Variants in LRRC20 observed in about 807,000 individuals in gnomAD.
LRRC20 encodes the protein leucine-rich repeat-containing protein 20.
In LRRC20, 11 loss-of-function variants were observed where a neutral mutation model predicts 14.4. That is an observed-to-expected ratio of 0.77 (90% confidence interval 0.48 to 1.27). The LOEUF (loss-of-function observed/expected upper bound fraction) is 1.27. LRRC20 is among the 50% of genes most tolerant of loss of function. LRRC20 has a pLI of 0.00. For synonymous variants in LRRC20, 121 were observed against 107.3 expected (o/e 1.13, Z -0.79); for missense variants, 219 against 251.2 (o/e 0.87, Z 0.87).
At chr10:70,334,450 AT>A (rs1842646950) in intron 3 of LRRC20, among the ~76,000 whole-genome samples, 2 of 152,156 alleles carry the variant, frequency 1.3e-5, no homozygotes. Context: ...TGGAAATGTA[AT>A]GTGCCCAGGG....
chr10:70,382,245 G>A (rs1844733293), intron 1 of LRRC20, among the ~76,000 whole-genome samples: 2 of 152,212 alleles, frequency 1.3e-5, no homozygotes, highest in African/African-American at 2.4e-5. Context: ...GCCTGGGAGC[G>A]GTTCTCCGAG....
chr10:70,364,487 C>CT (rs1432012886), intron 2 of LRRC20, among the ~76,000 whole-genome samples: 1 of 152,206 alleles, frequency 6.6e-6, no homozygotes, highest in African/African-American at 2.4e-5. Flanking sequence ...CAGTGGGTAT[C>CT]TATTAAGTGT....
At chr10:70,339,681 G>A (rs1028104701) in intron 3 of LRRC20, among the ~76,000 whole-genome samples, 2 of 152,194 alleles carry the variant, frequency 1.3e-5, no homozygotes, top group African/African-American at 4.8e-5. Flanking sequence ...CTGGAGAAGA[G>A]GGCAGGCACT....
chr10:70,318,130 C>T (rs1185830273), intron 4 of LRRC20, among the ~76,000 whole-genome samples: 1 of 152,184 alleles, frequency 6.6e-6, no homozygotes, highest in African/African-American at 2.4e-5. Context: ...TTCCGGAATG[C>T]CCATGCTGCC....
intron 4 of LRRC20, among the ~76,000 whole-genome samples, chr10:70,308,900 G>A (rs1402663584): frequency 6.6e-6 from 1 of 152,224 alleles, no homozygotes; most frequent in Non-Finnish European, 1.5e-5. Flanking sequence ...GCTGCCAGCA[G>A]CCTGGCCTCG....
At chr10:70,374,409 G>A in intron 2 of LRRC20, among the ~76,000 whole-genome samples, 1 of 150,674 alleles carries the variant, frequency 6.6e-6, no homozygotes, top group African/African-American at 2.4e-5. Context: ...GAGGTGCAGT[G>A]GCGAGATCTT....
At chr10:70,376,711 G>T in intron 1 of LRRC20, 115 bp from the exon 2 acceptor site, 1 of 617,918 alleles carries the variant, frequency 1.6e-6, no homozygotes. Flanking sequence ...CCTGCAGGGA[G>T]GGCCCCAGGC....
rs576233288 is a variant in LRRC20 at position 70,347,410 on chromosome 10, C to A, written c.83-6708G>T. Among the ~76,000 whole-genome samples, 29 of 152,266 alleles carry A rather than the reference C, an allele frequency of 1.9e-4. No individual in the cohort carries two copies. In the South Asian group the frequency reaches 6.0e-3, roughly 32 times the overall value. On this transcript the variant is annotated intron_variant, in intron 2 of 4. Coordinates refer to ENST00000446961, the MANE Select transcript of LRRC20 (RefSeq NM_001278212.2). ...TCCAAGGGTACTCAAAGCAGCCTGT[C>A]TTTCCGGAGTAGATCAGCCCAGAAA...
intron 2 of LRRC20, among the ~76,000 whole-genome samples, chr10:70,345,939 G>C (rs1843058342): frequency 6.6e-6 from 1 of 151,952 alleles, no homozygotes; most frequent in South Asian, 2.1e-4. Context: ...CAACCAACCT[G>C]GGCAACACAG....
chr10:70,352,791 C>A (rs1273605240), intron 2 of LRRC20, among the ~76,000 whole-genome samples: 1 of 152,088 alleles, frequency 6.6e-6, no homozygotes, highest in East Asian at 1.9e-4. Context: ...CCATCTTAAC[C>A]ATTTTTAAAT....
chr10:70,307,019 G>C (rs1036384403), intron 4 of LRRC20, among the ~76,000 whole-genome samples: 78 of 152,306 alleles, frequency 5.1e-4, no homozygotes, highest in Admixed American at 5.2e-4. Flanking sequence ...CATGGCTCCA[G>C]CACTTTTTGG....
chr10:70,368,798 A>G (rs2137141740), intron 2 of LRRC20, among the ~76,000 whole-genome samples: 1 of 151,466 alleles, frequency 6.6e-6, no homozygotes, highest in East Asian at 2.0e-4. Flanking sequence ...AAGTTTTTGT[A>G]TTTTAGTAGA....
intron 2 of LRRC20, among the ~76,000 whole-genome samples, chr10:70,369,990 T>C (rs1014789263): frequency 3.3e-5 from 5 of 151,968 alleles, no homozygotes; most frequent in Non-Finnish European, 5.9e-5. Flanking sequence ...GGCAGGAGAA[T>C]CACTTGAACC....
At chr10:70,307,276 C>T (rs1841460263) in intron 4 of LRRC20, among the ~76,000 whole-genome samples, 1 of 152,260 alleles carries the variant, frequency 6.6e-6, no homozygotes, top group Non-Finnish European at 1.5e-5. Flanking sequence ...TACCTCTCTA[C>T]TCTGCCAGCA....
At chr10:70,371,930 A>G (rs1411485545) in intron 2 of LRRC20, among the ~76,000 whole-genome samples, 1 of 152,150 alleles carries the variant, frequency 6.6e-6, no homozygotes, top group East Asian at 1.9e-4. Flanking sequence ...CCCCAGGAGC[A>G]CTGGGGGAGC....
chr10:70,342,447 C>T (rs1392908425), intron 2 of LRRC20, among the ~76,000 whole-genome samples: 3 of 151,850 alleles, frequency 2.0e-5, no homozygotes, highest in Admixed American at 6.6e-5. Flanking sequence ...GATATATATA[C>T]ATATATAATT....
intron 2 of LRRC20, among the ~76,000 whole-genome samples, chr10:70,374,566 A>T (rs1589131998): frequency 6.6e-6 from 1 of 150,754 alleles, no homozygotes; most frequent in Non-Finnish European, 1.5e-5. Flanking sequence ...CTGGTCTTGA[A>T]CTCCTGGCCC....
intron 3 of LRRC20, among the ~76,000 whole-genome samples, chr10:70,339,342 G>GT: frequency 6.6e-6 from 1 of 152,304 alleles, no homozygotes; most frequent in Admixed American, 6.5e-5. Flanking sequence ...AGATGGTGCT[G>GT]TTACAAATCC....
chr10:70,314,356 C>T (rs963013736), intron 4 of LRRC20, among the ~76,000 whole-genome samples: 30 of 152,196 alleles, frequency 2.0e-4, no homozygotes, highest in African/African-American at 7.2e-4. Context: ...TTCCCCATTC[C>T]CTAGCCTGAC....
Sources: allele counts gnomAD v4.1 joint callset (sites outside exome capture counted in the v4.1 genomes callset), GRCh38; gene constraint gnomAD v4.1.1; transcripts MANE v1.5; gene names NCBI Gene and HGNC (gene_info 2026-07-23, HGNC 2026-07-21).